Variants in CTU2 observed in about 807,000 individuals in gnomAD.
CTU2 encodes cytosolic thiouridylase subunit 2.
Under a neutral mutation model 64.1 loss-of-function variants are expected in CTU2, and 80 were observed. That is an observed-to-expected ratio of 1.25 (90% confidence interval 1.04 to 1.50). The LOEUF is 1.50. Ranked by LOEUF, CTU2 falls within the 40% of genes most tolerant of loss-of-function variation. The pLI is 0.00. For synonymous variants in CTU2, 482 were observed against 285.3 expected, an observed-to-expected ratio of 1.69 and a Z score of -6.95; for missense variants, 1,110 against 690.2, an observed-to-expected ratio of 1.61 and a Z score of -6.81.
intron 10 of CTU2, 60 bp from the exon 11 acceptor site, chr16:88,714,323 G>T: frequency 6.2e-7 from 1 of 1,605,468 alleles, no homozygotes; most frequent in South Asian, 1.1e-5. Flanking sequence ...CTCAGGCCAG[G>T]GCTTAGGGTG....
In CTU2 at chr16:88,715,158, T is replaced by C. The variant is rs753641739; in HGVS notation, c.1479-24T>C. Reference sequence around the variant, plus strand: ...CGTGGGTAAGGGGCCTCGGGGCTGGTGCCCACTGCAGCTTTCTCTCTAGGG... The same window carrying C: ...CGTGGGTAAGGGGCCTCGGGGCTGGCGCCCACTGCAGCTTTCTCTCTAGGG... On this transcript the variant is annotated intron_variant, in intron 14 of 14. Transcript: ENST00000453996. 4.3e-6 allele frequency: 7 copies of C among 1,610,440 alleles called. 1 individual carries two copies. In the South Asian group the frequency reaches 7.7e-5, roughly 18 times the overall value.
chr16:88,715,356 T>TAAATA lies in CTU2; in HGVS notation c.*109_*113dup. ...ACTGGCCTCTGATTGTCCATTTGTATAAATAAAACATTTTTTAATTAAAAA... is the reference window on the plus strand; with the variant it reads ...ACTGGCCTCTGATTGTCCATTTGTATAAATAAAATAAAACATTTTTTAATTAAAAA... On this transcript the variant is annotated 3_prime_UTR_variant, in exon 15 of 15. Coordinates refer to ENST00000453996, the MANE Select transcript of CTU2 (RefSeq NM_001012759.3). 9 of 1,240,742 alleles carry TAAATA rather than the reference T, an allele frequency of 7.3e-6. No homozygotes were observed. Among genetic ancestry groups the TAAATA allele is most frequent in the Non-Finnish European group, 1.0e-5 (9 of 903,776 alleles). 76.9% of individuals were successfully genotyped at this position (1,240,742 alleles called of 1,614,324 possible). A position where few individuals can be genotyped will look rare whatever the true frequency, so the allele number is the denominator to read the frequency against.
rs755032900 is a variant in CTU2 at position 88,712,293 on chromosome 16, G to C, written c.363G>C (p.Gln121His). The stretch of plus-strand genomic sequence containing the variant: ...TTTCAGAGGGAGCAGCCTGTGGCCA[G>C]AGCCTAGAGGAGAGATCAAAGACCC... Reference protein sequence around the residue: ...IFVDEGAACGQSLEERSKTLA... With the variant: ...IFVDEGAACGHSLEERSKTLA... Residue 121 changes from glutamine to histidine, a missense_variant, in exon 6 of 15, where the codon CAG becomes CAC. Transcript: ENST00000453996. The C allele has an allele frequency of 1.2e-6, 2 of 1,605,626 alleles. No homozygotes were observed. The highest frequency in any genetic ancestry group is 2.7e-5 in the African/African-American group (2 of 74,778).
intron 4 of CTU2, among the ~76,000 whole-genome samples, chr16:88,711,065 C>T (rs185746811): frequency 6.6e-6 from 1 of 152,090 alleles, no homozygotes; most frequent in East Asian, 1.9e-4. Context: ...GGAGAGGGGT[C>T]GGCTTTGCCG....
At chr16:88,712,566 G>GT (rs1911418856) in intron 6 of CTU2, 56 bp from the exon 7 acceptor site, 2 of 1,577,734 alleles carry the variant, frequency 1.3e-6, no homozygotes, top group Non-Finnish European at 1.7e-6. Context: ...GGGGCTGTCT[G>GT]TGGGGGGCAC....
chr16:88,714,590 G>T lies in CTU2; in HGVS notation c.1205G>T (p.Ser402Ile). 6.2e-7 allele frequency: 1 copy of T among 1,612,662 alleles called. No homozygotes were observed. The highest frequency in any genetic ancestry group is 1.3e-5 in the African/African-American group (1 of 75,038). ...GTCACCCCCTCTCTGCTTGCAGACA[G>T]TGCCACGGCTTTTGGGGCTCAGACC... is the stretch of plus-strand genomic sequence containing the variant. ...MCALDVDAAD[S>I]ATAFGAQTSS... Residue 402 changes from serine (S) to isoleucine (I), a missense_variant, in exon 12 of 15, where the codon AGT becomes ATT. By Grantham distance (142) the Ser-to-Ile change is moderately radical (BLOSUM62 -2). Coordinates refer to ENST00000453996, the MANE Select transcript of CTU2 (RefSeq NM_001012759.3).
chr16:88,715,346 TCCA>T lies in CTU2; in HGVS notation c.*96_*98del, dbSNP rs1911900367. On this transcript the variant is annotated 3_prime_UTR_variant, in exon 15 of 15. Coordinates refer to ENST00000453996, the MANE Select transcript of CTU2 (RefSeq NM_001012759.3). Reference sequence around the variant, plus strand: ...AGGACGGGGGACTGGCCTCTGATTGTCCATTTGTATAAATAAAACATTTTTTAA... The same window carrying T: ...AGGACGGGGGACTGGCCTCTGATTGTTTTGTATAAATAAAACATTTTTTAA... 7.0e-6 allele frequency: 9 copies of T among 1,292,288 alleles called. No individual in the cohort carries two copies. Among genetic ancestry groups the T allele is most frequent in the African/African-American group, 3.0e-5 (2 of 66,768 alleles). 80.1% of individuals were successfully genotyped at this position (1,292,288 alleles called of 1,614,324 possible).
chr16:88,707,125 C>T lies in CTU2; in HGVS notation c.69-11C>T, dbSNP rs779472657. ...TGTGTTTCTCTCTTCTCCCCCCTCC[C>T]ATCTCCAAAGCCGTGAGCAGAAGTG... On this transcript the variant is annotated splice_polypyrimidine_tract_variant and intron_variant, in intron 1 of 14. Coordinates refer to ENST00000453996, the MANE Select transcript of CTU2 (RefSeq NM_001012759.3). 1.7e-5 allele frequency: 27 copies of T among 1,613,260 alleles called. No individual in the cohort carries two copies. Among genetic ancestry groups the T allele is most frequent in the Non-Finnish European group, 1.9e-5 (22 of 1,179,522 alleles).
Position 88,714,904 on chromosome 16 carries a change from G to C in CTU2, c.1397G>C (p.Cys466Ser). The stretch of plus-strand genomic sequence containing the variant: ...ATTGAGGAGCAGCTGTGCTACAGCT[G>C]CCGCGTGAACATGAAGGACTTGGTG... The part of the protein sequence containing the change: ...ACIEEQLCYS[C>S]RVNMKDLPSL... Residue 466 changes from cysteine (C) to serine (S), a missense_variant, in exon 13 of 15, where the codon TGC becomes TCC. Transcript: ENST00000453996. The C allele has an allele frequency of 2.5e-6, 4 of 1,612,656 alleles. No homozygotes were observed. Among genetic ancestry groups the C allele is most frequent in the Non-Finnish European group, 3.4e-6 (4 of 1,179,898 alleles).
intron 5 of CTU2, chr16:88,712,064 G>C (rs1403069785): frequency 1.5e-6 from 1 of 687,666 alleles, no homozygotes; most frequent in East Asian, 2.7e-5. Flanking sequence ...CCTGCAGAAC[G>C]AACTCCTGGG....
At position 88,715,120 on chromosome 16, in the gene CTU2, C is replaced by T. The variant is rs1301978623; in HGVS notation, c.1478+14C>T. On this transcript the variant is annotated intron_variant, in intron 14 of 14. Coordinates refer to ENST00000453996, the MANE Select transcript of CTU2 (RefSeq NM_001012759.3). ...CCGCACACAGAGGTACTGGGGCCCA[C>T]ACTGCCGTGGCGCGTGGGTAAGGGG... The T allele has an allele frequency of 2.5e-6, 4 of 1,597,284 alleles. No homozygotes were observed. The highest frequency in any genetic ancestry group is 2.2e-5 in the East Asian group (1 of 44,724).
At chr16:88,711,756 C>CACCAGAGGGAGGAT in intron 5 of CTU2, 61 bp downstream of exon 5, 1 of 1,503,096 alleles carries the variant, frequency 6.7e-7, no homozygotes, top group Non-Finnish European at 9.1e-7. Flanking sequence ...TGCGGATCCT[C>CACCAGAGGGAGGAT]CCTCTGGTGT....
At chr16:88,706,635 C>G in intron 1 of CTU2, 37 bp downstream of exon 1, 1 of 1,348,278 alleles carries the variant, frequency 7.4e-7, no homozygotes, top group Non-Finnish European at 9.5e-7. Flanking sequence ...GGCCGCCCCT[C>G]GCCTTCCCGC....
In CTU2 at chr16:88,710,238, T is replaced by G. The variant is rs771447868; in HGVS notation, c.238T>G (p.Ser80Ala). ...TCTCCCCCAGGTGCTCTTGGCGTGG[T>G]CTGGGGGGCCTTCGTCCAGCTCCAT... ...FPGEKVLLAW[S>A]GGPSSSSMVW... Residue 80 changes from serine to alanine, a missense_variant, in exon 4 of 15, where the codon TCT becomes GCT. Transcript: ENST00000453996. The G allele has an allele frequency of 6.2e-7, 1 of 1,614,040 alleles. No homozygotes were observed. Among genetic ancestry groups the G allele is most frequent in the South Asian group, 1.1e-5 (1 of 91,088 alleles).
chr16:88,708,276 C>T (rs191564038), intron 2 of CTU2, among the ~76,000 whole-genome samples: 8 of 152,302 alleles, frequency 5.3e-5, no homozygotes, highest in Admixed American at 5.2e-4. Flanking sequence ...AGTGGGGAGC[C>T]GGCTCTCTAG....
chr16:88,714,566 T>G, intron 11 of CTU2, 21 bp from the exon 12 acceptor site: 1 of 1,612,600 alleles, frequency 6.2e-7, no homozygotes, highest in Non-Finnish European at 8.5e-7. Context: ...CCAGGCTCCG[T>G]CACCCCCTCT....
At position 88,706,611 on chromosome 16, in the gene CTU2, G is replaced by A; in HGVS notation, c.68+13G>A. ...CGCCGCGGCCCAGGTAAGAGCTGGC[G>A]GCCGGACCCGCCAGGCCGCCCCTCG... On this transcript the variant is annotated intron_variant, in intron 1 of 14. Transcript: ENST00000453996. The A allele has an allele frequency of 7.1e-7, 1 of 1,403,466 alleles. No homozygotes were observed. Among genetic ancestry groups the A allele is most frequent in the Non-Finnish European group, 9.2e-7 (1 of 1,086,516 alleles). 86.9% of individuals were successfully genotyped at this position (1,403,466 alleles called of 1,614,324 possible).
rs201488917 is a variant in CTU2 at position 88,710,192 on chromosome 16, G to A, written c.223-31G>A. The stretch of plus-strand genomic sequence containing the variant: ...GGGTGTCTGCCTGTGTTGGAGGTGC[G>A]GTGCCCTGAGTGATGTTTTTTCTCC... On this transcript the variant is annotated intron_variant, in intron 3 of 14. Coordinates refer to ENST00000453996, the MANE Select transcript of CTU2 (RefSeq NM_001012759.3). The A allele has an allele frequency of 1.8e-5, 29 of 1,613,392 alleles. No individual in the cohort carries two copies. In the East Asian group the frequency reaches 2.9e-4, roughly 16 times the overall value.
At chr16:88,709,649 G>A (rs1003153689) in intron 2 of CTU2, 1 of 447,170 alleles carries the variant, frequency 2.2e-6, no homozygotes, top group Non-Finnish European at 4.0e-6. Context: ...GAGCGCCTGT[G>A]GGGAGGGGTG....
Sources: allele counts gnomAD v4.1 joint callset (sites outside exome capture counted in the v4.1 genomes callset), GRCh38; gene constraint gnomAD v4.1.1; transcripts MANE v1.5; gene names NCBI Gene and HGNC (gene_info 2026-07-23, HGNC 2026-07-21).